SGCZ: variants seen among roughly 807,000 people sequenced by gnomAD.
The protein encoded by SGCZ is zeta-sarcoglycan.
A neutral mutation model predicts 41.3 loss-of-function variants in SGCZ; 40 were observed. That is an observed-to-expected ratio of 0.97 (90% CI 0.75 to 1.26). SGCZ has a LOEUF of 1.26. Ranked by LOEUF, SGCZ falls within the 50% of genes most tolerant of loss-of-function variation. The pLI, the probability that SGCZ is intolerant of heterozygous loss-of-function variation, is 0.00. For missense variants in SGCZ, 552 were observed against 369.8 expected (o/e 1.49, Z -4.04); for synonymous variants, 206 against 137.5 (o/e 1.50, Z -3.49).
chr8:14,281,897 G>C (rs534596482), intron 3 of SGCZ, among the ~76,000 whole-genome samples: 1 of 151,844 alleles, frequency 6.6e-6, no homozygotes, highest in East Asian at 1.9e-4. Context: ...ACCTCAATGT[G>C]CCTCAAACGA....
chr8:14,761,437 A>G lies in SGCZ; in HGVS notation c.40-206511T>C, dbSNP rs532229462. 2.4e-3 allele frequency among the ~76,000 whole-genome samples: 357 copies of G among 151,878 alleles called. 4 individuals are homozygous for G. The highest frequency in any genetic ancestry group is 8.4e-3 in the African/African-American group (349 of 41,498). ...AAACAAAGCAGTCTTCCTCAAACCA[A>G]TGGAAAACTCCTGTGTCTCATTTTG... On this transcript the variant is annotated intron_variant, in intron 1 of 7. Coordinates refer to ENST00000382080, the MANE Select transcript of SGCZ (RefSeq NM_139167.4).
chr8:14,873,302 T>C (rs1216193777), intron 1 of SGCZ, among the ~76,000 whole-genome samples: 1 of 152,172 alleles, frequency 6.6e-6, no homozygotes, highest in African/African-American at 2.4e-5. Flanking sequence ...ATTCATTGCA[T>C]GTGTTGGTAT....
intron 3 of SGCZ, among the ~76,000 whole-genome samples, chr8:14,265,158 C>G (rs1012481546): frequency 1.8e-4 from 27 of 152,142 alleles, no homozygotes; most frequent in African/African-American, 6.5e-4. Context: ...GATGTGTGAT[C>G]TCTTAGAGAT....
At chr8:15,183,141 T>G (rs978349999) in intron 1 of SGCZ, among the ~76,000 whole-genome samples, 1 of 148,624 alleles carries the variant, frequency 6.7e-6, no homozygotes, top group Non-Finnish European at 1.5e-5. Flanking sequence ...GGACCTGCCT[T>G]AGGCTGTTTT....
chr8:14,826,766 C>G (rs893231524), intron 1 of SGCZ, among the ~76,000 whole-genome samples: 1 of 152,148 alleles, frequency 6.6e-6, no homozygotes, highest in African/African-American at 2.4e-5. Flanking sequence ...CCTTTGCCGA[C>G]TTTTTGATGG....
At chr8:14,345,093 C>T (rs1387282769) in intron 2 of SGCZ, among the ~76,000 whole-genome samples, 1 of 151,824 alleles carries the variant, frequency 6.6e-6, no homozygotes, top group Admixed American at 6.6e-5. Context: ...AGTAAGATAA[C>T]CAACACAATG....
At chr8:14,481,059 A>C (rs1182519142) in intron 2 of SGCZ, among the ~76,000 whole-genome samples, 2 of 152,192 alleles carry the variant, frequency 1.3e-5, no homozygotes, top group Non-Finnish European at 2.9e-5. Context: ...GAAAATATTA[A>C]TATAATCAAC....
At chr8:14,755,813 T>G (rs1352619541) in intron 1 of SGCZ, among the ~76,000 whole-genome samples, 2 of 151,864 alleles carry the variant, frequency 1.3e-5, no homozygotes, top group Admixed American at 6.6e-5. Flanking sequence ...CAGACTTTCA[T>G]GTAAAACAGG....
chr8:14,454,273 A>C (rs1054623115), intron 2 of SGCZ, among the ~76,000 whole-genome samples: 3 of 152,196 alleles, frequency 2.0e-5, no homozygotes, highest in Non-Finnish European at 4.4e-5. Flanking sequence ...ATTTAAAAGC[A>C]AAACAAATCT....
At chr8:15,188,548 C>G (rs560732665) in intron 1 of SGCZ, among the ~76,000 whole-genome samples, 6 of 152,194 alleles carry the variant, frequency 3.9e-5, no homozygotes, top group Admixed American at 1.3e-4. Flanking sequence ...TGACATGATT[C>G]ATTTAACATT....
In SGCZ at chr8:14,263,613, G is replaced by C. The variant is rs140099721; in HGVS notation, c.337-25934C>G. Among the ~76,000 whole-genome samples, 8 of 152,122 alleles carry C rather than the reference G, an allele frequency of 5.3e-5. No individual in the cohort carries two copies. In the East Asian group the frequency reaches 1.6e-3, roughly 30 times the overall value. The stretch of plus-strand genomic sequence containing the variant: ...TACATAAATAAAAATCAGCAAAGAA[G>C]AGGCAGAGCAAAATGGCCAAATAAG... On this transcript the variant is annotated intron_variant, in intron 3 of 7. Transcript: ENST00000382080.
At chr8:14,092,801 C>T (rs1425641129) in intron 7 of SGCZ, among the ~76,000 whole-genome samples, 1 of 151,990 alleles carries the variant, frequency 6.6e-6, no homozygotes, top group Non-Finnish European at 1.5e-5. Context: ...TATAAATTAC[C>T]CAGTCTCGGG....
intron 2 of SGCZ, among the ~76,000 whole-genome samples, chr8:14,514,461 A>C (rs969360725): frequency 1.3e-5 from 2 of 151,942 alleles, no homozygotes; most frequent in African/African-American, 4.8e-5. Flanking sequence ...AATGAGAAGA[A>C]TATGTATACA....
At chr8:14,803,379 C>T (rs1041873259) in intron 1 of SGCZ, among the ~76,000 whole-genome samples, 10 of 152,070 alleles carry the variant, frequency 6.6e-5, no homozygotes, top group South Asian at 2.1e-4. Flanking sequence ...GCGCACCATG[C>T]GCAAGCCGAA....
intron 1 of SGCZ, among the ~76,000 whole-genome samples, chr8:14,599,238 C>T (rs1805509400): frequency 6.9e-6 from 1 of 145,910 alleles, no homozygotes; most frequent in Non-Finnish European, 1.5e-5. Flanking sequence ...AGCACTCCCA[C>T]TATTTCCTCA....
Position 14,870,509 on chromosome 8 carries a change from T to G in SGCZ, c.40-315583A>C, listed in dbSNP as rs138288309. Among the ~76,000 whole-genome samples the G allele has an allele frequency of 6.3e-3, 956 of 152,168 alleles. 51 individuals are homozygous for G. Among genetic ancestry groups the G allele is most frequent in the Admixed American group, 0.057 (869 of 15,290 alleles). ...TAGAAGAAAACCAAGGCAATACCATTCAGGACATAGGCATGAGCAAAGACT... is the reference window on the plus strand; with the variant it reads ...TAGAAGAAAACCAAGGCAATACCATGCAGGACATAGGCATGAGCAAAGACT... On this transcript the variant is annotated intron_variant, in intron 1 of 7. Transcript: ENST00000382080.
intron 2 of SGCZ, among the ~76,000 whole-genome samples, chr8:14,450,752 C>G (rs1484710796): frequency 6.6e-6 from 1 of 152,130 alleles, no homozygotes; most frequent in Non-Finnish European, 1.5e-5. Flanking sequence ...TGATGGATTT[C>G]TGTGCCATTG....
At chr8:15,102,976 T>C (rs573091132) in intron 1 of SGCZ, among the ~76,000 whole-genome samples, 16 of 152,116 alleles carry the variant, frequency 1.1e-4, no homozygotes, top group Non-Finnish European at 1.9e-4. Context: ...TCTGTGCATA[T>C]AGGACATAAA....
rs185316944 is a variant in SGCZ, at chr8:14,240,020, T to C, written c.337-2341A>G. 6.1e-4 allele frequency among the ~76,000 whole-genome samples: 91 copies of C among 148,856 alleles called. No individual in the cohort carries two copies. In the Middle Eastern group the frequency reaches 0.011, roughly 17 times the overall value. The stretch of plus-strand genomic sequence containing the variant: ...TAGTTTACTTAATTTAAAAGAGAAA[T>C]AGACTTGTTAGAATGGAAAGTTTAG... On this transcript the variant is annotated intron_variant, in intron 3 of 7. Coordinates refer to ENST00000382080, the MANE Select transcript of SGCZ (RefSeq NM_139167.4).
Sources: allele counts gnomAD v4.1 joint callset (sites outside exome capture counted in the v4.1 genomes callset), GRCh38; gene constraint gnomAD v4.1.1; transcripts MANE v1.5; gene names NCBI Gene and HGNC (gene_info 2026-07-23, HGNC 2026-07-21).